PTS: variants seen among roughly 807,000 people sequenced by gnomAD.
PTS encodes 6-pyruvoyltetrahydropterin synthase.
A neutral mutation model predicts 20.6 loss-of-function variants in PTS; 23 were observed. That is an observed-to-expected ratio of 1.12 (90% CI 0.80 to 1.58). The LOEUF is 1.58. Ranked by LOEUF, PTS falls within the 40% of genes most tolerant of loss-of-function variation. The pLI is 0.00. For missense variants in PTS, 186 were observed against 182.4 expected, an observed-to-expected ratio of 1.02 and a Z score of -0.11; for synonymous variants, 65 against 62.5, an observed-to-expected ratio of 1.04 and a Z score of -0.19.
chr11:112,230,615 T>A lies in PTS; in HGVS notation c.187-11T>A. The A allele has an allele frequency of 6.2e-7, 1 of 1,602,156 alleles. No individual in the cohort carries two copies. The highest frequency in any genetic ancestry group is 8.6e-7 in the Non-Finnish European group (1 of 1,169,134). ...CTATCACAGTAATATTCACCTTTGT[T>A]TATTCTTTAGATTGACCCTGCTACG... is the stretch of plus-strand genomic sequence containing the variant. On this transcript the variant is annotated splice_polypyrimidine_tract_variant and intron_variant, in intron 3 of 5. Transcript: ENST00000280362.
rs1859964121 is a variant in PTS, at chr11:112,233,188, A to G, written c.269A>G (p.His90Arg). The change falls in exon 5 of 6, where the codon CAT becomes CGT. Residue 90 changes from histidine to arginine, a missense_variant. By Grantham distance (29) the His-to-Arg change is conservative. Coordinates refer to ENST00000280362, the MANE Select transcript of PTS (RefSeq NM_000317.3). ...MEEAIMQPLD[H>R]KNLDMDVPYF... ...GAGGCGATTATGCAGCCCCTTGATC[A>G]TAAGAATCTGGATATGGATGTGCCA... 2 of 1,614,002 alleles carry G rather than the reference A, an allele frequency of 1.2e-6. No homozygotes were observed. The highest frequency in any genetic ancestry group is 1.3e-5 in the African/African-American group (1 of 74,940).
chr11:112,233,134 A>G lies in PTS; in HGVS notation c.244-29A>G, dbSNP rs371913357. ...GGAATTTGAGTCGTAAATGGAGTCA[A>G]TGATATTTTCCCTTGGTTTTGTCTC... On this transcript the variant is annotated intron_variant, in intron 4 of 5. Coordinates refer to ENST00000280362, the MANE Select transcript of PTS (RefSeq NM_000317.3). 45 of 1,593,330 alleles carry G rather than the reference A, an allele frequency of 2.8e-5. No individual in the cohort carries two copies. The African/African-American group carries it at 3.9e-4, about 14-fold the overall frequency.
At chr11:112,228,895 A>G (rs1452701979) in intron 2 of PTS, 1 of 582,084 alleles carries the variant, frequency 1.7e-6, no homozygotes, top group Non-Finnish European at 3.0e-6. Flanking sequence ...GTCCAAAACA[A>G]TGAATGGTTT....
chr11:112,228,673 G>T lies in PTS; in HGVS notation c.163G>T (p.Val55Phe). 1 of 1,609,940 alleles carries T rather than the reference G, an allele frequency of 6.2e-7. No homozygotes were observed. Among genetic ancestry groups the T allele is most frequent in the Non-Finnish European group, 8.5e-7 (1 of 1,177,420 alleles). Residue 55 changes from valine to phenylalanine, a missense_variant and splice_region_variant, in exon 2 of 6, where the codon GTT becomes TTT. Physicochemically the swap from Val to Phe is conservative, Grantham distance 50. Transcript: ENST00000280362. ...NPNGHGHNYK[V>F]VVTVHGEIDP... ...AAATGGCCATGGGCACAATTATAAA[G>T]GTGAGAGAAAAACTGATGACATTTC...
chr11:112,232,488 T>C (rs989638345), intron 4 of PTS, among the ~76,000 whole-genome samples: 1 of 152,218 alleles, frequency 6.6e-6, no homozygotes, highest in Non-Finnish European at 1.5e-5. Context: ...AACTACGTCC[T>C]ATGGAAAATT....
chr11:112,227,993 T>C (rs1454070091), intron 1 of PTS, among the ~76,000 whole-genome samples: 1 of 152,228 alleles, frequency 6.6e-6, no homozygotes, highest in Non-Finnish European at 1.5e-5. Context: ...AGCAATTTGT[T>C]TTCTGTCTGA....
intron 4 of PTS, among the ~76,000 whole-genome samples, chr11:112,232,943 A>G (rs1371025575): frequency 6.6e-6 from 1 of 152,172 alleles, no homozygotes; most frequent in African/African-American, 2.4e-5. Context: ...ACCTCTTTTT[A>G]TTCAGTAACA....
In PTS at chr11:112,230,608, C is replaced by T; in HGVS notation, c.187-18C>T. On this transcript the variant is annotated intron_variant, in intron 3 of 5. Coordinates refer to ENST00000280362, the MANE Select transcript of PTS (RefSeq NM_000317.3). ...GGAGAGCCTATCACAGTAATATTCACCTTTGTTTATTCTTTAGATTGACCC... is the reference window on the plus strand; with the variant it reads ...GGAGAGCCTATCACAGTAATATTCATCTTTGTTTATTCTTTAGATTGACCC... 1 of 1,594,938 alleles carries T rather than the reference C, an allele frequency of 6.3e-7. No homozygotes were observed.
At chr11:112,228,238 A>G (rs1435622707) in intron 1 of PTS, 1 of 254,318 alleles carries the variant, frequency 3.9e-6, no homozygotes, top group Non-Finnish European at 7.6e-6. Flanking sequence ...GTTTATCATT[A>G]TATGCTGTTA....
intron 2 of PTS, among the ~76,000 whole-genome samples, chr11:112,229,832 G>T (rs1859907101): frequency 6.6e-6 from 1 of 152,192 alleles, no homozygotes; most frequent in African/African-American, 2.4e-5. Flanking sequence ...GCTCAGTATT[G>T]GACCAGCTTG....
chr11:112,233,412 T>A lies in PTS; in HGVS notation c.315-20T>A. ...GTTTGCATTTTGAATTTTTTTTGTT[T>A]TTGTTTTTTTTTCTTATAGCACGAC... On this transcript the variant is annotated intron_variant, in intron 5 of 5. Coordinates refer to ENST00000280362, the MANE Select transcript of PTS (RefSeq NM_000317.3). The A allele has an allele frequency of 6.3e-7, 1 of 1,592,518 alleles. No homozygotes were observed. Among genetic ancestry groups the A allele is most frequent in the Non-Finnish European group, 8.5e-7 (1 of 1,172,818 alleles).
chr11:112,230,811 T>A (rs1379938634), intron 4 of PTS, 129 bp downstream of exon 4: 6 of 873,264 alleles, frequency 6.9e-6, no homozygotes, highest in Non-Finnish European at 1.2e-5. Flanking sequence ...GATGTGGGTG[T>A]TGGGGAATAG....
At chr11:112,231,765 G>T (rs1859934504) in intron 4 of PTS, among the ~76,000 whole-genome samples, 1 of 150,816 alleles carries the variant, frequency 6.6e-6, no homozygotes, top group Non-Finnish European at 1.5e-5. Flanking sequence ...ATGAGTAGAA[G>T]AATGAGTGAA....
At position 112,233,563 on chromosome 11, in the gene PTS, G is replaced by T; in HGVS notation, c.*8G>T. The T allele has an allele frequency of 6.2e-7, 1 of 1,613,342 alleles. No individual in the cohort carries two copies. Among genetic ancestry groups the T allele is most frequent in the Non-Finnish European group, 8.5e-7 (1 of 1,179,728 alleles). Reference sequence around the variant, plus strand: ...GTTTATAAAGGAGAATAGCTATTGGGGTTAGCATTGCACAAAGCCCAGTTT... The same window carrying T: ...GTTTATAAAGGAGAATAGCTATTGGTGTTAGCATTGCACAAAGCCCAGTTT... On this transcript the variant is annotated 3_prime_UTR_variant, in exon 6 of 6. Transcript: ENST00000280362.
At chr11:112,231,907 G>C (rs1356769792) in intron 4 of PTS, among the ~76,000 whole-genome samples, 2 of 141,216 alleles carry the variant, frequency 1.4e-5, no homozygotes, top group Non-Finnish European at 3.1e-5. Flanking sequence ...AGAAGAGGAG[G>C]GGGAGGGGAG....
At chr11:112,232,534 A>G (rs1034202227) in intron 4 of PTS, among the ~76,000 whole-genome samples, 2 of 152,218 alleles carry the variant, frequency 1.3e-5, no homozygotes, top group African/African-American at 4.8e-5. Context: ...ATTTTTTGCA[A>G]TAGCTAAAAG....
intron 4 of PTS, 110 bp downstream of exon 4, chr11:112,230,792 A>C (rs748403007): frequency 1.0e-6 from 1 of 957,796 alleles, no homozygotes; most frequent in Non-Finnish European, 1.7e-6. Context: ...GACTTTGTGA[A>C]TAGAACTGGA....
At chr11:112,231,275 A>G (rs1859927313) in intron 4 of PTS, among the ~76,000 whole-genome samples, 1 of 151,800 alleles carries the variant, frequency 6.6e-6, no homozygotes, top group South Asian at 2.1e-4. Flanking sequence ...TTTATTATAA[A>G]CTCACCAGAG....
chr11:112,229,524 T>A (rs981904897), intron 2 of PTS: 1 of 152,622 alleles, frequency 6.6e-6, no homozygotes, highest in South Asian at 2.1e-4. Context: ...CCCGAGTAGC[T>A]GAGATTACAG....
Sources: allele counts gnomAD v4.1 joint callset (sites outside exome capture counted in the v4.1 genomes callset), GRCh38; gene constraint gnomAD v4.1.1; transcripts MANE v1.5; gene names NCBI Gene and HGNC (gene_info 2026-07-23, HGNC 2026-07-21).